Variants in TTC39A observed in about 807,000 individuals in gnomAD.
The protein encoded by TTC39A is tetratricopeptide repeat domain 39A.
TTC39A carries 46 observed loss-of-function variants against 82.3 expected under a neutral mutation model. The observed-to-expected ratio is 0.56, with a 90% CI of 0.44 to 0.71. TTC39A has a LOEUF of 0.71. Ranked by LOEUF, TTC39A falls within the 30% of genes least tolerant of loss-of-function variation. TTC39A has a pLI of 0.00. For missense variants in TTC39A, 543 were observed against 712.9 expected (o/e 0.76, Z 2.71); for synonymous variants, 254 against 275.2 (o/e 0.92, Z 0.76).
chr1:51,312,308 G>A, intron 3 of TTC39A, 113 bp from the exon 4 acceptor site: 1 of 1,084,662 alleles, frequency 9.2e-7, no homozygotes. Context: ...TAGCAAGAAA[G>A]AACACAGGCT....
At chr1:51,299,108 GAAGT>G (rs1644550902) in intron 12 of TTC39A, 1 of 152,228 alleles carries the variant, frequency 6.6e-6, no homozygotes, top group Non-Finnish European at 1.5e-5. Context: ...TAGATAACAA[GAAGT>G]AAGGGAATTG....
chr1:51,305,222 G>C, intron 7 of TTC39A, 76 bp from the exon 8 acceptor site: 1 of 1,446,542 alleles, frequency 6.9e-7, no homozygotes, highest in Non-Finnish European at 9.7e-7. Flanking sequence ...CCCAAGTCTA[G>C]CTCTTTAACA....
Position 51,344,919 on chromosome 1 carries a change from G to A in TTC39A, c.53+72C>T, listed in dbSNP as rs899918244. Reference sequence around the variant, plus strand: ...TGTGCCTCTCAGCTGTTTCCCCGACGTCGGCTGGGTCCTCCGGCGGCCCCT... The same window carrying A: ...TGTGCCTCTCAGCTGTTTCCCCGACATCGGCTGGGTCCTCCGGCGGCCCCT... On this transcript the variant is annotated intron_variant, in intron 1 of 5. Coordinates refer to the TTC39A transcript ENST00000401051. 4.0e-6 allele frequency: 6 copies of A among 1,503,734 alleles called. No homozygotes were observed. The African/African-American group carries it at 5.8e-5, about 14-fold the overall frequency. The allele number at this position is 1,503,734 out of a possible 1,614,324, so 93.1% of individuals were successfully genotyped here. A position where few individuals can be genotyped will look rare whatever the true frequency, so the allele number is the denominator to read the frequency against.
chr1:51,328,254 G>C (rs114931719), intron 1 of TTC39A, among the ~76,000 whole-genome samples: 4,976 of 152,152 alleles, frequency 0.033, 134 homozygotes, highest in Non-Finnish European at 0.051. Context: ...ACTACTAAGG[G>C]GGCACCCTCG....
At chr1:51,290,182 A>T in intron 15 of TTC39A, 63 bp from the exon 16 acceptor site, 11 of 1,482,652 alleles carry the variant, frequency 7.4e-6, no homozygotes, top group Non-Finnish European at 1.0e-5. Context: ...TTACTTATGG[A>T]GCCCCCTACT....
intron 12 of TTC39A, among the ~76,000 whole-genome samples, chr1:51,296,547 CAGCCAGGAGGAAGAGGCTGAGCAA>C (rs1204592785): frequency 2.6e-5 from 4 of 152,230 alleles, no homozygotes; most frequent in Admixed American, 6.5e-5. Context: ...ACAGGCCTTC[CAGCCAGGAGGAAGAGGCTGAGCAA>C]AGCCAGGAGG....
chr1:51,305,179 G>A (rs1471375448), intron 7 of TTC39A, 33 bp from the exon 8 acceptor site: 2 of 1,609,670 alleles, frequency 1.2e-6, no homozygotes, highest in East Asian at 2.2e-5. Context: ...GCCTGTGAAG[G>A]TACCCAGAGT....
chr1:51,300,957 G>C (rs1315270778), intron 12 of TTC39A: 1 of 152,300 alleles, frequency 6.6e-6, no homozygotes, highest in East Asian at 1.9e-4. Flanking sequence ...CTGTCACATG[G>C]AGAGAACCTT....
At chr1:51,338,634 T>C (rs1303387722) in intron 1 of TTC39A, among the ~76,000 whole-genome samples, 2 of 147,624 alleles carry the variant, frequency 1.4e-5, no homozygotes. Context: ...GACAGAGTCT[T>C]ACTCTGTTGT....
chr1:51,289,950 G>A, intron 16 of TTC39A, 55 bp downstream of exon 16: 2 of 1,492,594 alleles, frequency 1.3e-6, no homozygotes. Context: ...GAGAAGCCCT[G>A]AATATTCTAC....
intron 4 of TTC39A, among the ~76,000 whole-genome samples, chr1:51,311,772 C>A (rs1645093192): frequency 6.6e-6 from 1 of 152,250 alleles, no homozygotes; most frequent in African/African-American, 2.4e-5. Context: ...CCCTCTGGGG[C>A]CCATGCGATC....
intron 14 of TTC39A, 42 bp from the exon 15 acceptor site, chr1:51,290,667 A>G: frequency 6.5e-7 from 1 of 1,539,332 alleles, no homozygotes; most frequent in South Asian, 1.2e-5. Context: ...TTCTTCCCTA[A>G]TGGGGCCTCA....
intron 2 of TTC39A, among the ~76,000 whole-genome samples, chr1:51,316,707 C>A (rs373258135): frequency 1.2e-4 from 18 of 152,310 alleles, no homozygotes; most frequent in African/African-American, 4.3e-4. Flanking sequence ...TGGCAGGTGA[C>A]CTTGCCTCTT....
intron 1 of TTC39A, among the ~76,000 whole-genome samples, chr1:51,343,725 T>A (rs914417234): frequency 5.3e-5 from 8 of 152,186 alleles, no homozygotes; most frequent in African/African-American, 1.9e-4. Flanking sequence ...GCTGAAAGGC[T>A]GAATGAGAGT....
At chr1:51,311,716 C>G (rs1442388586) in intron 4 of TTC39A, among the ~76,000 whole-genome samples, 1 of 152,214 alleles carries the variant, frequency 6.6e-6, no homozygotes, top group Non-Finnish European at 1.5e-5. Flanking sequence ...CCCCAGACCA[C>G]TTCTTCTCAT....
chr1:51,290,033 C>T lies in TTC39A; in HGVS notation c.1465G>A (p.Glu489Lys), dbSNP rs746175223. The change falls in exon 16 of 18, where the codon GAG becomes AAG. Residue 489 changes from glutamate (E) to lysine (K), a missense_variant. Physicochemically the swap from Glu to Lys is moderately conservative, Grantham distance 56. Transcript: ENST00000680483. ...GCAGAGATGCTCCTAAAATTCTCCTCGGCCTCCTGGACACGGCCCAGGTAT... is the reference window on the plus strand; with the variant it reads ...GCAGAGATGCTCCTAAAATTCTCCTTGGCCTCCTGGACACGGCCCAGGTAT... ...LKYLGRVQEAEENFRSISANE... is the reference protein window; with the variant it reads ...LKYLGRVQEAKENFRSISANE... The T allele has an allele frequency of 1.9e-6, 3 of 1,613,800 alleles. No individual in the cohort carries two copies. The highest frequency in any genetic ancestry group is 1.7e-5 in the Admixed American group (1 of 59,988).
chr1:51,329,234 G>A (rs1176644494), intron 1 of TTC39A, among the ~76,000 whole-genome samples: 3 of 152,076 alleles, frequency 2.0e-5, no homozygotes, highest in Non-Finnish European at 4.4e-5. Flanking sequence ...TTCTCTCCTG[G>A]AAACCACTTT....
intron 12 of TTC39A, chr1:51,300,249 T>A (rs747692629): frequency 6.6e-6 from 1 of 152,298 alleles, no homozygotes; most frequent in Non-Finnish European, 1.5e-5. Flanking sequence ...GTGGAGGACA[T>A]GACAGGTGCC....
At chr1:51,333,147 G>C (rs1203040985), upstream of TTC39A, among the ~76,000 whole-genome samples, 1 of 150,570 alleles carries the variant, frequency 6.6e-6, no homozygotes, top group Non-Finnish European at 1.5e-5. Context: ...GGAAGGCGAA[G>C]GTTGCAGTGA....
Sources: gnomAD v4.1 joint callset for allele counts (sites outside exome capture counted in the v4.1 genomes callset) on GRCh38, gnomAD v4.1.1 for gene constraint, MANE v1.5 for transcripts, NCBI Gene and HGNC (gene_info 2026-07-23, HGNC 2026-07-21) for gene names.